The following CHN2 variants were observed in gnomAD, a reference collection of about 807,000 sequenced individuals.
The protein encoded by CHN2 is chimerin 2.
A neutral mutation model predicts 56.3 loss-of-function variants in CHN2; 35 were observed. The ratio of observed to expected loss-of-function variants is 0.62; its 90% CI spans 0.47 to 0.82. The LOEUF (loss-of-function observed/expected upper bound fraction) is 0.82, where lower values mean the gene tolerates loss of function less well. Ranked by LOEUF, CHN2 falls within the 40% of genes least tolerant of loss-of-function variation. The pLI, the probability that CHN2 is intolerant of heterozygous loss-of-function variation, is 0.00. For synonymous variants in CHN2, 210 were observed against 212.8 expected, an observed-to-expected ratio of 0.99 and a Z score of 0.12; for missense variants, 491 against 580.5, an observed-to-expected ratio of 0.85 and a Z score of 1.58.
chr7:29,286,292 C>T (rs1792141487), intron 1 of CHN2, among the ~76,000 whole-genome samples: 2 of 150,118 alleles, frequency 1.3e-5, no homozygotes, highest in Admixed American at 6.7e-5. Flanking sequence ...CCTTGGAGTA[C>T]CTAAATGACT....
chr7:29,428,080 G>T (rs1181700265), intron 6 of CHN2, among the ~76,000 whole-genome samples: 1 of 152,122 alleles, frequency 6.6e-6, no homozygotes, highest in Non-Finnish European at 1.5e-5. Flanking sequence ...ACAAACTCTG[G>T]AGCTAGCTAA....
intron 6 of CHN2, among the ~76,000 whole-genome samples, chr7:29,467,482 C>G (rs1785636510): frequency 6.6e-6 from 1 of 152,166 alleles, no homozygotes; most frequent in Non-Finnish European, 1.5e-5. Context: ...TTTGTCCTGA[C>G]TCTACAACTA....
At chr7:29,483,456 A>G (rs529679986) in intron 7 of CHN2, among the ~76,000 whole-genome samples, 19 of 152,326 alleles carry the variant, frequency 1.2e-4, no homozygotes, top group Admixed American at 1.2e-3. Context: ...CAATAATTGT[A>G]TACTTTTCAA....
At chr7:29,437,949 CAT>C (rs1783362854) in intron 6 of CHN2, among the ~76,000 whole-genome samples, 1 of 152,156 alleles carries the variant, frequency 6.6e-6, no homozygotes, top group African/African-American at 2.4e-5. Flanking sequence ...AGGTGTCTAA[CAT>C]ATAATTTTGA....
chr7:29,307,750 T>G (rs1359263716), intron 1 of CHN2, among the ~76,000 whole-genome samples: 2 of 152,072 alleles, frequency 1.3e-5, no homozygotes, highest in East Asian at 3.9e-4. Context: ...GCTGTTGAAT[T>G]TGCCTCCTGG....
chr7:29,156,198 G>A (rs148995145), intron 2 of CHN2, among the ~76,000 whole-genome samples: 1 of 152,260 alleles, frequency 6.6e-6, no homozygotes, highest in East Asian at 1.9e-4. Context: ...GGACTCGTCT[G>A]GTTTTGCCTG....
intron 6 of CHN2, among the ~76,000 whole-genome samples, chr7:29,460,026 C>T (rs1047199899): frequency 4.7e-5 from 7 of 149,830 alleles, no homozygotes; most frequent in Middle Eastern, 3.4e-3. Flanking sequence ...CAGTTCTGAT[C>T]CTTATGTTCT....
Position 29,513,808 on chromosome 7 carries a change from C to T in CHN2, c.*1073C>T, listed in dbSNP as rs914727556. On this transcript the variant is annotated 3_prime_UTR_variant, in exon 13 of 13. Coordinates refer to ENST00000222792, the MANE Select transcript of CHN2 (RefSeq NM_004067.4). ...TTACCAAATATTTGTTCCTCCTTGA[C>T]AAAAGTAGCTCTGTGTGGATAATAT... The T allele has an allele frequency of 6.6e-6, 1 of 152,622 alleles. No homozygotes were observed. The highest frequency in any genetic ancestry group is 1.5e-5 in the Non-Finnish European group (1 of 68,036). 9.5% of individuals were successfully genotyped at this position (152,622 alleles called of 1,614,324 possible).
intron 6 of CHN2, among the ~76,000 whole-genome samples, chr7:29,433,128 A>G (rs1342629285): frequency 6.6e-6 from 1 of 152,232 alleles, no homozygotes; most frequent in Non-Finnish European, 1.5e-5. Flanking sequence ...TCATGACCCT[A>G]TAATGCCAAA....
chr7:29,227,277 A>G lies in CHN2; in HGVS notation c.49+32287A>G, dbSNP rs543025023. Among the ~76,000 whole-genome samples the G allele has an allele frequency of 2.6e-5, 4 of 152,216 alleles. No individual in the cohort carries two copies. In the South Asian group the frequency reaches 8.3e-4, roughly 32 times the overall value. On this transcript the variant is annotated intron_variant, in intron 1 of 12. Coordinates refer to ENST00000222792, the MANE Select transcript of CHN2 (RefSeq NM_004067.4). ...ATTAAACTATCCAGATTCCATTTTCATATTTTTCTGACTTAGAGTCACTTT... is the reference window on the plus strand; with the variant it reads ...ATTAAACTATCCAGATTCCATTTTCGTATTTTTCTGACTTAGAGTCACTTT...
intron 6 of CHN2, among the ~76,000 whole-genome samples, chr7:29,427,163 C>G (rs1290434635): frequency 6.6e-6 from 1 of 152,078 alleles, no homozygotes; most frequent in East Asian, 1.9e-4. Flanking sequence ...ACTAAAAATA[C>G]AAATATTAGT....
intron 12 of CHN2, among the ~76,000 whole-genome samples, chr7:29,511,729 C>CACATTTTAATTATA (rs1470858009): frequency 8.5e-6 from 1 of 117,788 alleles, no homozygotes; most frequent in Non-Finnish European, 2.0e-5. Context: ...TTTTCCTAAA[C>CACATTTTAATTATA]ACATTTTAAT....
intron 2 of CHN2, among the ~76,000 whole-genome samples, chr7:29,357,853 T>C (rs1220690885): frequency 2.6e-5 from 4 of 152,228 alleles, no homozygotes; most frequent in Non-Finnish European, 4.4e-5. Context: ...TTATTTTAAA[T>C]AAACTGTTGG....
intron 2 of CHN2, among the ~76,000 whole-genome samples, chr7:29,357,972 T>C (rs1440791854): frequency 6.6e-6 from 1 of 152,250 alleles, no homozygotes; most frequent in Non-Finnish European, 1.5e-5. Flanking sequence ...CATTATATCA[T>C]GTATGGATTC....
chr7:29,462,049 T>C (rs1275619617), intron 6 of CHN2, among the ~76,000 whole-genome samples: 1 of 152,232 alleles, frequency 6.6e-6, no homozygotes, highest in Non-Finnish European at 1.5e-5. Context: ...ACAGTGTTTT[T>C]CTCATAATAG....
rs1171828908 is a variant in CHN2, at chr7:29,206,233, G to A, written c.49+11243G>A. On this transcript the variant is annotated intron_variant, in intron 1 of 12. Transcript: ENST00000222792. ...TCTTGTTTGTAAATCAGTTCTGCAA[G>A]GACCCTGTCACCAGTTCACATTAGT... Among the ~76,000 whole-genome samples, 3 of 152,142 alleles carry A rather than the reference G, an allele frequency of 2.0e-5. No individual in the cohort carries two copies. The East Asian group carries it at 5.8e-4, about 29-fold the overall frequency.
At chr7:29,285,742 T>G (rs1260856395) in intron 1 of CHN2, among the ~76,000 whole-genome samples, 1 of 152,220 alleles carries the variant, frequency 6.6e-6, no homozygotes. Context: ...GTGCATATCT[T>G]GGATGATCCT....
intron 1 of CHN2, among the ~76,000 whole-genome samples, chr7:29,310,851 CCTT>C (rs1286992394): frequency 1.3e-5 from 2 of 152,156 alleles, no homozygotes; most frequent in Non-Finnish European, 2.9e-5. Flanking sequence ...AAAAGCCCCT[CCTT>C]CTGACACCAT....
intron 1 of CHN2, among the ~76,000 whole-genome samples, chr7:29,304,156 C>T (rs766544440): frequency 8.5e-5 from 13 of 152,088 alleles, no homozygotes; most frequent in Non-Finnish European, 7.3e-5. Flanking sequence ...ACACAAAAAG[C>T]CACTGGAGTT....
Sources: allele counts gnomAD v4.1 joint callset (sites outside exome capture counted in the v4.1 genomes callset), GRCh38; gene constraint gnomAD v4.1.1; transcripts MANE v1.5; gene names NCBI Gene and HGNC (gene_info 2026-07-23, HGNC 2026-07-21).